The following IL1RAP variants were observed in gnomAD, a reference collection of about 807,000 sequenced individuals.
IL1RAP encodes the protein interleukin-1 receptor accessory protein.
In IL1RAP, 35 loss-of-function variants were observed where a neutral mutation model predicts 60.7. The observed-to-expected ratio is 0.58, with a 90% CI of 0.44 to 0.76. The LOEUF is 0.76. Ranked by LOEUF, IL1RAP falls within the 30% of genes least tolerant of loss-of-function variation. The pLI is 0.00. For synonymous variants in IL1RAP, 268 were observed against 250.9 expected (o/e 1.07, Z -0.64); for missense variants, 572 against 693.9 (o/e 0.82, Z 1.97).
chr3:190,577,673 G>C (rs1727614682), intron 3 of IL1RAP, among the ~76,000 whole-genome samples: 1 of 152,088 alleles, frequency 6.6e-6, no homozygotes, highest in African/African-American at 2.4e-5. Flanking sequence ...TGGGACTATA[G>C]GGGCATGCCA....
Position 190,608,428 on chromosome 3 carries a change from G to A in IL1RAP, c.351-567G>A, listed in dbSNP as rs550251453. On this transcript the variant is annotated intron_variant, in intron 4 of 11. Coordinates refer to ENST00000447382, the MANE Select transcript of IL1RAP (RefSeq NM_002182.4). ...GATAAAAACGGTACACCTATGTAGGGCACTTATCATGGATAGAGCTTGTAG... is the reference window on the plus strand; with the variant it reads ...GATAAAAACGGTACACCTATGTAGGACACTTATCATGGATAGAGCTTGTAG... Among the ~76,000 whole-genome samples, 16 of 152,262 alleles carry A rather than the reference G, an allele frequency of 1.1e-4. No individual in the cohort carries two copies. The East Asian group carries it at 3.1e-3, about 29-fold the overall frequency.
intron 4 of IL1RAP, among the ~76,000 whole-genome samples, chr3:190,608,542 C>T (rs1050411351): frequency 2.0e-5 from 3 of 152,036 alleles, no homozygotes; most frequent in Non-Finnish European, 4.4e-5. Context: ...ATTTGTCTGA[C>T]GGTGCATAGG....
downstream of IL1RAP, among the ~76,000 whole-genome samples, chr3:190,655,515 T>G (rs1734584513): frequency 6.6e-6 from 1 of 151,928 alleles, no homozygotes; most frequent in South Asian, 2.1e-4. Flanking sequence ...GACTTGCTTT[T>G]GATGGTGGCT....
At chr3:190,626,812 A>G (rs1217211288) in intron 7 of IL1RAP, among the ~76,000 whole-genome samples, 1 of 151,752 alleles carries the variant, frequency 6.6e-6, no homozygotes, top group Non-Finnish European at 1.5e-5. Flanking sequence ...CTGGGATTAC[A>G]GGCGGTGCCA....
chr3:190,552,768 T>C (rs1347005704), intron 1 of IL1RAP, among the ~76,000 whole-genome samples: 1 of 151,948 alleles, frequency 6.6e-6, no homozygotes, highest in Non-Finnish European at 1.5e-5. Context: ...TTAAAAGTGG[T>C]GAGGCAAAAT....
chr3:190,636,423 A>C lies in IL1RAP; in HGVS notation c.1051+6925A>C, dbSNP rs751865314. Among the ~76,000 whole-genome samples the C allele has an allele frequency of 2.0e-5, 3 of 152,202 alleles. No individual in the cohort carries two copies. In the East Asian group the frequency reaches 5.8e-4, roughly 29 times the overall value. On this transcript the variant is annotated intron_variant, in intron 9 of 11. Coordinates refer to ENST00000447382, the MANE Select transcript of IL1RAP (RefSeq NM_002182.4). ...AATACATGCTTATTTAGGATTGACAAGTCTTTTTCATGAATTGACTCTTAA... is the reference window on the plus strand; with the variant it reads ...AATACATGCTTATTTAGGATTGACACGTCTTTTTCATGAATTGACTCTTAA...
chr3:190,526,933 G>T (rs1035453761), intron 1 of IL1RAP, among the ~76,000 whole-genome samples: 1 of 152,222 alleles, frequency 6.6e-6, no homozygotes, highest in African/African-American at 2.4e-5. Flanking sequence ...ATTCTGAAAG[G>T]CCCTCTTATA....
At chr3:190,639,656 A>T (rs1233469018) in intron 9 of IL1RAP, among the ~76,000 whole-genome samples, 1 of 152,026 alleles carries the variant, frequency 6.6e-6, no homozygotes, top group Non-Finnish European at 1.5e-5. Flanking sequence ...TTTTTTATAT[A>T]GCTTTTTAAA....
At chr3:190,623,061 A>G (rs1006081056) in intron 6 of IL1RAP, among the ~76,000 whole-genome samples, 2 of 152,234 alleles carry the variant, frequency 1.3e-5, no homozygotes, top group Non-Finnish European at 2.9e-5. Flanking sequence ...ATATTAAAAC[A>G]ATAGATGCTC....
chr3:190,615,299 A>G (rs568488480), intron 5 of IL1RAP: 2 of 1,276,842 alleles, frequency 1.6e-6, no homozygotes, highest in South Asian at 1.2e-5. Flanking sequence ...TATAAATGGG[A>G]GACTGCCTTG....
intron 2 of IL1RAP, among the ~76,000 whole-genome samples, chr3:190,558,255 A>T (rs1225317437): frequency 6.6e-6 from 1 of 152,292 alleles, no homozygotes; most frequent in South Asian, 2.1e-4. Flanking sequence ...ACATGCAGGT[A>T]TAGCTTTTTG....
exon 12 of IL1RAP, chr3:190,658,530 AC>A (rs1465530155): frequency 7.2e-5 from 11 of 152,230 alleles, no homozygotes. Flanking sequence ...TTGCCTGCTT[AC>A]TGTCAGAAAA....
intron 2 of IL1RAP, among the ~76,000 whole-genome samples, chr3:190,558,114 T>C (rs1725580036): frequency 6.6e-6 from 1 of 152,262 alleles, no homozygotes; most frequent in East Asian, 1.9e-4. Flanking sequence ...ACATATATAA[T>C]GCTCATTGCT....
At chr3:190,537,742 G>A (rs1239233007) in intron 1 of IL1RAP, among the ~76,000 whole-genome samples, 1 of 152,056 alleles carries the variant, frequency 6.6e-6, no homozygotes, top group Non-Finnish European at 1.5e-5. Flanking sequence ...AATTTTTACA[G>A]CTGAAATGTG....
At chr3:190,619,584 G>T (rs1255110265) in intron 5 of IL1RAP, among the ~76,000 whole-genome samples, 1 of 152,010 alleles carries the variant, frequency 6.6e-6, no homozygotes, top group Non-Finnish European at 1.5e-5. Context: ...AATTAGCCAG[G>T]CATGGTGGCG....
intron 5 of IL1RAP, 111 bp downstream of exon 5, chr3:190,609,292 C>A: frequency 1.4e-6 from 1 of 713,950 alleles, no homozygotes; most frequent in Non-Finnish European, 2.2e-6. Flanking sequence ...ATTATCTGAT[C>A]TATTCCGTAA....
intron 3 of IL1RAP, among the ~76,000 whole-genome samples, chr3:190,603,908 A>G (rs1730067520): frequency 6.6e-6 from 1 of 152,194 alleles, no homozygotes; most frequent in South Asian, 2.1e-4. Context: ...AGATCAAATC[A>G]TTATTCAAGA....
Position 190,564,358 on chromosome 3 carries a change from G to A in IL1RAP, c.64+5G>A, listed in dbSNP as rs766069148. ...TCCTGCAAAGTGATGCCTCAGGTAA[G>A]TGAATGGCTTTTGACAATGTATTAA... On this transcript the variant is annotated splice_donor_5th_base_variant and intron_variant, in intron 3 of 11. Coordinates refer to ENST00000447382, the MANE Select transcript of IL1RAP (RefSeq NM_002182.4). 6.2e-7 allele frequency: 1 copy of A among 1,600,612 alleles called. No homozygotes were observed. The highest frequency in any genetic ancestry group is 8.6e-7 in the Non-Finnish European group (1 of 1,167,858).
In IL1RAP at chr3:190,548,145, T is replaced by C. The variant is rs561371257; in HGVS notation, c.-88-7985T>C. 2.6e-5 allele frequency among the ~76,000 whole-genome samples: 4 copies of C among 152,314 alleles called. No homozygotes were observed. In the South Asian group the frequency reaches 8.3e-4, roughly 32 times the overall value. ...TCTAATTTCTGAAGACAGGTTCATT[T>C]CAGAGGCAGTGGATCTTGATGGCTG... On this transcript the variant is annotated intron_variant, in intron 1 of 11. Transcript: ENST00000447382.
Sources: allele counts gnomAD v4.1 joint callset (sites outside exome capture counted in the v4.1 genomes callset), GRCh38; gene constraint gnomAD v4.1.1; transcripts MANE v1.5; gene names NCBI Gene and HGNC (gene_info 2026-07-23, HGNC 2026-07-21).